SORBS2: variants seen among roughly 807,000 people sequenced by gnomAD.
SORBS2 encodes the protein sorbin and SH3 domain-containing protein 2.
Under a neutral mutation model 97.7 loss-of-function variants are expected in SORBS2, and 46 were observed. That is an observed-to-expected ratio of 0.47 (90% CI 0.37 to 0.60). The LOEUF (loss-of-function observed/expected upper bound fraction) is 0.60. Ranked by LOEUF, SORBS2 falls within the 20% of genes least tolerant of loss-of-function variation. The pLI is 0.00. For synonymous variants in SORBS2, 476 were observed against 473.4 expected, an observed-to-expected ratio of 1.01 and a Z score of -0.07; for missense variants, 1,316 against 1,282.3, an observed-to-expected ratio of 1.03 and a Z score of -0.40.
At chr4:185,627,480 A>C (rs2096835061) in intron 5 of SORBS2, among the ~76,000 whole-genome samples, 1 of 152,220 alleles carries the variant, frequency 6.6e-6, no homozygotes, top group African/African-American at 2.4e-5. Context: ...AGTCTCCTGA[A>C]GTGTTGGGAT....
Position 185,768,713 on chromosome 4 carries a change from A to C in SORBS2, c.-198+6514T>G, listed in dbSNP as rs1274828853. Among the ~76,000 whole-genome samples the C allele has an allele frequency of 4.1e-3, 246 of 59,480 alleles. 7 individuals carry two copies. The highest frequency in any genetic ancestry group is 0.011 in the Middle Eastern group (1 of 94). The allele number at this position is 59,480 out of a possible 152,430, so 39.0% of individuals were successfully genotyped here. On this transcript the variant is annotated intron_variant, in intron 2 of 20. Coordinates refer to the SORBS2 transcript ENST00000284776. Reference sequence around the variant, plus strand: ...GACTCTGTCTCAAAAAAAAAAAAACAAAAAAACAAAAAAAAATGCAAATTT... The same window carrying C: ...GACTCTGTCTCAAAAAAAAAAAAACCAAAAAACAAAAAAAAATGCAAATTT...
intron 12 of SORBS2, among the ~76,000 whole-genome samples, chr4:185,597,000 A>G (rs1202482424): frequency 1.3e-5 from 2 of 152,144 alleles, no homozygotes; most frequent in South Asian, 2.1e-4. Context: ...TGTGTCTTAT[A>G]ATGGCGAGTT....
At chr4:185,806,433 C>A (rs947308115) in intron 1 of SORBS2, among the ~76,000 whole-genome samples, 1 of 134,312 alleles carries the variant, frequency 7.4e-6, no homozygotes, top group African/African-American at 2.9e-5. Flanking sequence ...TGGCTAGAAT[C>A]CTATTTTTTT....
At chr4:185,762,588 G>A (rs13134640) in intron 2 of SORBS2, among the ~76,000 whole-genome samples, 43,157 of 151,964 alleles carry the variant, frequency 0.28, 6,339 homozygotes, top group Admixed American at 0.34. Context: ...GAAGGCAAAG[G>A]GGAACAGATT....
At chr4:185,689,198 A>G (rs34219276) in intron 2 of SORBS2, among the ~76,000 whole-genome samples, 14,540 of 152,238 alleles carry the variant, frequency 0.096, 726 homozygotes, top group Middle Eastern at 0.14. Flanking sequence ...TATAATAAAT[A>G]GGAAAATCAG....
intron 2 of SORBS2, among the ~76,000 whole-genome samples, chr4:185,750,913 A>G (rs1449504829): frequency 1.3e-5 from 2 of 152,066 alleles, no homozygotes; most frequent in Non-Finnish European, 2.9e-5. Context: ...TAGGTGGGTC[A>G]AGGAGTTGGA....
At chr4:185,825,278 TTTA>T (rs994185390) in intron 1 of SORBS2, among the ~76,000 whole-genome samples, 20 of 88,760 alleles carry the variant, frequency 2.3e-4, no homozygotes, top group African/African-American at 7.7e-4. Flanking sequence ...GTCAATGTAA[TTTA>T]TTAGCAGATT....
intron 1 of SORBS2, among the ~76,000 whole-genome samples, chr4:185,829,370 G>A (rs140979198): frequency 9.2e-5 from 14 of 152,286 alleles, no homozygotes; most frequent in African/African-American, 3.1e-4. Context: ...TGAGATCTGT[G>A]TGAAATGCAG....
intron 1 of SORBS2, among the ~76,000 whole-genome samples, chr4:185,785,638 T>C (rs549336803): frequency 1.4e-4 from 22 of 152,304 alleles, no homozygotes; most frequent in African/African-American, 3.8e-4. Flanking sequence ...ACCCACCAAA[T>C]AGGCACTGTG....
Position 185,607,248 on chromosome 4 carries a change from T to A in SORBS2, c.2796+4532A>T. The A allele has an allele frequency of 8.1e-7, 1 of 1,227,892 alleles. No homozygotes were observed. Among genetic ancestry groups the A allele is most frequent in the Non-Finnish European group, 1.0e-6 (1 of 962,206 alleles). The allele number at this position is 1,227,892 out of a possible 1,614,324, so 76.1% of individuals were successfully genotyped here. On this transcript the variant is annotated intron_variant, in intron 12 of 14. Transcript: ENST00000418609. This position sits in a 1 kb window ranked among gnomAD's most constrained non-coding sequence, Gnocchi z 5.2. ...AAGGGTTTGCTGGTAGACATGAGGC[T>A]GTCAGGGACAACCAGCCCTGGCCAG...
At chr4:185,760,528 G>C (rs1461750071) in intron 2 of SORBS2, among the ~76,000 whole-genome samples, 2 of 152,112 alleles carry the variant, frequency 1.3e-5, no homozygotes, top group Non-Finnish European at 2.9e-5. Flanking sequence ...GCGCCATTGC[G>C]CTCCAGCCTG....
chr4:185,598,148 G>A (rs1298516155), intron 12 of SORBS2, among the ~76,000 whole-genome samples: 1 of 152,162 alleles, frequency 6.6e-6, no homozygotes, highest in African/African-American at 2.4e-5. Flanking sequence ...GCTTTCAACT[G>A]ACACATTACA....
In SORBS2 at chr4:185,877,599, G is replaced by A. The variant is rs141233469; in HGVS notation, c.-338+78597C>T. On this transcript the variant is annotated intron_variant, in intron 1 of 20. Transcript: ENST00000284776. The stretch of plus-strand genomic sequence containing the variant: ...AATAGAAATTAGGCCAGGCATGGTG[G>A]CTCACACCTATAATCCCATCACTTG... 2.0e-5 allele frequency among the ~76,000 whole-genome samples: 3 copies of A among 152,230 alleles called. No homozygotes were observed. In the East Asian group the frequency reaches 5.8e-4, roughly 29 times the overall value.
At chr4:185,793,290 T>C (rs557016280) in intron 1 of SORBS2, among the ~76,000 whole-genome samples, 58 of 152,342 alleles carry the variant, frequency 3.8e-4, no homozygotes, top group South Asian at 2.1e-3. Context: ...GCCTAGGCAG[T>C]GGCAGGATGG....
At position 185,684,411 on chromosome 4, in the gene SORBS2, A is replaced by T. The variant is rs936279550; in HGVS notation, c.-197-5589T>A. 6.6e-6 allele frequency among the ~76,000 whole-genome samples: 1 copy of T among 152,170 alleles called. No homozygotes were observed. The highest frequency in any genetic ancestry group is 2.4e-5 in the African/African-American group (1 of 41,450). On this transcript the variant is annotated intron_variant, in intron 2 of 20. Coordinates refer to the SORBS2 transcript ENST00000284776. This position sits in a 1 kb window ranked among gnomAD's most constrained non-coding sequence, Gnocchi z 4.2. ...GTTCACAACCTTTGACAAAGAATCCAGTTAATGAAGATTCAGTTTCCTACA... is the reference window on the plus strand; with the variant it reads ...GTTCACAACCTTTGACAAAGAATCCTGTTAATGAAGATTCAGTTTCCTACA...
At chr4:185,755,368 G>A (rs983957008) in intron 2 of SORBS2, among the ~76,000 whole-genome samples, 2 of 152,222 alleles carry the variant, frequency 1.3e-5, no homozygotes, top group African/African-American at 4.8e-5. Flanking sequence ...CTTGGAATGT[G>A]ACCATAGACT....
At chr4:185,764,533 T>C (rs560063731) in intron 2 of SORBS2, among the ~76,000 whole-genome samples, 1 of 152,322 alleles carries the variant, frequency 6.6e-6, no homozygotes, top group South Asian at 2.1e-4. Flanking sequence ...TTTTGAGCCC[T>C]AGACCAAAAA....
chr4:185,800,067 G>T (rs891169950), intron 1 of SORBS2, among the ~76,000 whole-genome samples: 5 of 152,124 alleles, frequency 3.3e-5, no homozygotes, highest in Admixed American at 6.6e-5. Flanking sequence ...GGTGGTGCAC[G>T]CCTGTAATCC....
intron 1 of SORBS2, among the ~76,000 whole-genome samples, chr4:185,789,363 G>A (rs953382270): frequency 1.2e-4 from 18 of 151,730 alleles, no homozygotes; most frequent in African/African-American, 3.6e-4. Context: ...ATCCAGATTC[G>A]AATTAGCTAC....
Sources: gnomAD v4.1 joint callset for allele counts (sites outside exome capture counted in the v4.1 genomes callset) on GRCh38, gnomAD v4.1.1 for gene constraint, Gnocchi (gnomAD v3.1) non-coding constraint, MANE v1.5 for transcripts, NCBI Gene and HGNC (gene_info 2026-07-23, HGNC 2026-07-21) for gene names.